Variants in YBX1 observed in about 807,000 individuals in gnomAD.
YBX1 encodes the protein Y-box binding protein 1.
YBX1 carries 3 observed loss-of-function variants against 41.4 expected under a neutral mutation model. That is an observed-to-expected ratio of 0.07 (90% confidence interval 0.03 to 0.19). The LOEUF is 0.19. YBX1 is among the 10% of genes least tolerant of loss of function. YBX1 has a pLI of 1.00. For synonymous variants in YBX1, 133 were observed against 165.8 expected, an observed-to-expected ratio of 0.80 and a Z score of 1.52; for missense variants, 274 against 462.8, an observed-to-expected ratio of 0.59 and a Z score of 3.74.
rs1227275766 is a variant in YBX1 at position 42,702,231 on chromosome 1, T to C, written c.*282T>C. 1 of 152,658 alleles carries C rather than the reference T, an allele frequency of 6.6e-6. No homozygotes were observed. The highest frequency in any genetic ancestry group is 2.4e-5 in the African/African-American group (1 of 41,454). 9.5% of individuals were successfully genotyped at this position (152,658 alleles called of 1,614,324 possible). A position where few individuals can be genotyped will look rare whatever the true frequency, so the allele number is the denominator to read the frequency against. On this transcript the variant is annotated 3_prime_UTR_variant, in exon 8 of 8. Coordinates refer to ENST00000321358, the MANE Select transcript of YBX1 (RefSeq NM_004559.5). ...TTAAAGGTTTTTAAATTGTTTCATATCTGGTCAAGTTGAGATTTTTAAGAA... is the reference window on the plus strand; with the variant it reads ...TTAAAGGTTTTTAAATTGTTTCATACCTGGTCAAGTTGAGATTTTTAAGAA...
intron 6 of YBX1, among the ~76,000 whole-genome samples, chr1:42,700,085 G>T (rs912144289): frequency 6.6e-6 from 1 of 152,198 alleles, no homozygotes; most frequent in Non-Finnish European, 1.5e-5. Context: ...CCACTGTAGG[G>T]TTGCAGAGAA....
rs1372036718 is a variant in YBX1 at position 42,702,647 on chromosome 1, G to T, written c.*698G>T. Among the ~76,000 whole-genome samples the T allele has an allele frequency of 1.3e-5, 2 of 152,108 alleles. No individual in the cohort carries two copies. Among genetic ancestry groups the T allele is most frequent in the African/African-American group, 4.8e-5 (2 of 41,390 alleles). ...TGGCTGTGAGGCATTGTTTAAAAGG[G>T]CATTGCTCTAGCCTAGACCGACCAG... On this transcript the variant is annotated 3_prime_UTR_variant, in exon 8 of 8. Coordinates refer to ENST00000321358, the MANE Select transcript of YBX1 (RefSeq NM_004559.5).
At chr1:42,685,651 G>T (rs184308683) in intron 2 of YBX1, among the ~76,000 whole-genome samples, 1 of 152,236 alleles carries the variant, frequency 6.6e-6, no homozygotes, top group Non-Finnish European at 1.5e-5. Context: ...CTGTATAAAG[G>T]AGAGGGTGCA....
At chr1:42,700,609 T>G (rs904117014) in intron 6 of YBX1, among the ~76,000 whole-genome samples, 172 bp from the exon 7 acceptor site, 6 of 48,200 alleles carry the variant, frequency 1.2e-4, no homozygotes, top group South Asian at 1.0e-3. Context: ...CTACTCAGCA[T>G]CCCCCCCCCC....
chr1:42,698,407 T>C (rs1189704667), intron 6 of YBX1, among the ~76,000 whole-genome samples: 1 of 152,184 alleles, frequency 6.6e-6, no homozygotes, highest in Non-Finnish European at 1.5e-5. Context: ...TACCAGGAGA[T>C]TGTGTTAGCC....
intron 2 of YBX1, among the ~76,000 whole-genome samples, chr1:42,684,791 C>A (rs1344154235): frequency 6.6e-6 from 1 of 152,176 alleles, no homozygotes. Context: ...ATACTGATAG[C>A]TTTTTAACTG....
chr1:42,689,465 G>A (rs778307818), intron 2 of YBX1, among the ~76,000 whole-genome samples: 4 of 152,166 alleles, frequency 2.6e-5, no homozygotes, highest in Non-Finnish European at 5.9e-5. Flanking sequence ...TAGTATAAGA[G>A]CATTTAGTTA....
Position 42,703,169 on chromosome 1 carries a change from C to T in YBX1, c.*1220C>T, listed in dbSNP as rs1650647789. Among the ~76,000 whole-genome samples the T allele has an allele frequency of 6.6e-6, 1 of 152,064 alleles. No homozygotes were observed. Among genetic ancestry groups the T allele is most frequent in the African/African-American group, 2.4e-5 (1 of 41,384 alleles). ...TTGATCTCTTGACCTTGTGATCCGCCCGCCTCAGCCTCCCAAAGTGCTGGG... is the reference window on the plus strand; with the variant it reads ...TTGATCTCTTGACCTTGTGATCCGCTCGCCTCAGCCTCCCAAAGTGCTGGG... On this transcript the variant is annotated 3_prime_UTR_variant, in exon 8 of 8. Transcript: ENST00000321358.
rs988660894 is a variant in YBX1, at chr1:42,702,198, A to G, written c.*249A>G. ...TTTTAAAAAAGCCTGGTTTTTCTCA[A>G]TACGCCTTTAAAGGTTTTTAAATTG... On this transcript the variant is annotated 3_prime_UTR_variant, in exon 8 of 8. Transcript: ENST00000321358. 6.5e-6 allele frequency: 1 copy of G among 152,712 alleles called. No individual in the cohort carries two copies. Among genetic ancestry groups the G allele is most frequent in the African/African-American group, 2.4e-5 (1 of 41,454 alleles). 9.5% of individuals were successfully genotyped at this position (152,712 alleles called of 1,614,324 possible). A position where few individuals can be genotyped will look rare whatever the true frequency, so the allele number is the denominator to read the frequency against.
chr1:42,686,711 C>T (rs1360548451), intron 2 of YBX1, among the ~76,000 whole-genome samples: 2 of 152,170 alleles, frequency 1.3e-5, no homozygotes, highest in Non-Finnish European at 2.9e-5. Context: ...AAAATAGATA[C>T]AGCTAACAAG....
chr1:42,695,783 T>A (rs1370377918), intron 3 of YBX1, among the ~76,000 whole-genome samples: 1 of 152,238 alleles, frequency 6.6e-6, no homozygotes, highest in Non-Finnish European at 1.5e-5. Flanking sequence ...TGGTCAGCTT[T>A]GAAGCATGCA....
chr1:42,701,045 G>T lies in YBX1; in HGVS notation c.*30G>T, dbSNP rs367927170. On this transcript the variant is annotated splice_region_variant and 3_prime_UTR_variant, in exon 7 of 8. Transcript: ENST00000321358. Reference sequence around the variant, plus strand: ...CGGCTTACCATCTCTACCATCATCCGGGTAAGCAAGCTTGGATGGCCATCC... The same window carrying T: ...CGGCTTACCATCTCTACCATCATCCTGGTAAGCAAGCTTGGATGGCCATCC... 1 of 1,609,130 alleles carries T rather than the reference G, an allele frequency of 6.2e-7. No homozygotes were observed. The highest frequency in any genetic ancestry group is 8.5e-7 in the Non-Finnish European group (1 of 1,175,924).
chr1:42,690,589 C>T (rs999627011), intron 2 of YBX1, among the ~76,000 whole-genome samples: 18 of 152,310 alleles, frequency 1.2e-4, no homozygotes, highest in Middle Eastern at 3.4e-3. Context: ...ATGTGTCAGA[C>T]TGTGCAGGTG....
chr1:42,689,494 A>G (rs1650278415), intron 2 of YBX1, among the ~76,000 whole-genome samples: 1 of 152,232 alleles, frequency 6.6e-6, no homozygotes, highest in South Asian at 2.1e-4. Flanking sequence ...TTTATGTATA[A>G]TAAGTCTTAT....
intron 6 of YBX1, among the ~76,000 whole-genome samples, chr1:42,700,349 C>A (rs927357917): frequency 3.9e-5 from 6 of 152,002 alleles, no homozygotes; most frequent in African/African-American, 1.5e-4. Flanking sequence ...AGCCTGTAAT[C>A]CCAGCACTCT....
At chr1:42,697,337 C>A in intron 6 of YBX1, 75 bp downstream of exon 6, 1 of 1,406,028 alleles carries the variant, frequency 7.1e-7, no homozygotes, top group Non-Finnish European at 9.8e-7. Flanking sequence ...TCATGCCTCT[C>A]CTGCAGACTC....
intron 3 of YBX1, among the ~76,000 whole-genome samples, chr1:42,695,580 C>G (rs192957080): frequency 9.1e-4 from 139 of 152,306 alleles, no homozygotes; most frequent in Middle Eastern, 3.4e-3. Context: ...GTAGAAGCAA[C>G]AAGTCTCTAA....
chr1:42,691,299 C>T (rs1650321950), intron 2 of YBX1, among the ~76,000 whole-genome samples: 1 of 152,098 alleles, frequency 6.6e-6, no homozygotes, highest in African/African-American at 2.4e-5. Flanking sequence ...TCTATGTACC[C>T]ACAAAACACC....
intron 3 of YBX1, 46 bp downstream of exon 3, chr1:42,693,569 A>C: frequency 6.2e-7 from 1 of 1,603,332 alleles, no homozygotes; most frequent in South Asian, 1.1e-5. Context: ...AAGGATTGTA[A>C]GAAGAAAAGG....
Sources: allele counts gnomAD v4.1 joint callset (sites outside exome capture counted in the v4.1 genomes callset), GRCh38; gene constraint gnomAD v4.1.1; transcripts MANE v1.5; gene names NCBI Gene and HGNC (gene_info 2026-07-23, HGNC 2026-07-21).